INTS11: variants seen among roughly 807,000 people sequenced by gnomAD.
The protein encoded by INTS11 is integrator complex subunit 11.
INTS11 carries 77 observed loss-of-function variants against 78.6 expected under a neutral mutation model. The ratio of observed to expected loss-of-function variants is 0.98; its 90% CI spans 0.81 to 1.18. INTS11 has a LOEUF of 1.18. Ranked by LOEUF, INTS11 falls within the 50% of genes most tolerant of loss-of-function variation. The pLI, the probability that INTS11 is intolerant of heterozygous loss-of-function variation, is 0.00. For missense variants in INTS11, 875 were observed against 825.9 expected (o/e 1.06, Z -0.73); for synonymous variants, 441 against 326.9 (o/e 1.35, Z -3.77).
chr1:1,314,220 G>T lies in INTS11; in HGVS notation c.767+81C>A. On this transcript the variant is annotated intron_variant, in intron 8 of 16. Coordinates refer to ENST00000435064, the MANE Select transcript of INTS11 (RefSeq NM_017871.6). The surrounding 1 kb of genome is among the most constrained non-coding windows in gnomAD (Gnocchi z 4.2). ...AGCAGGGCCAAGATGCCACCGCTAC[G>T]CTGGACAGGGCTGCCCACCAACTGG... 1 of 1,324,296 alleles carries T rather than the reference G, an allele frequency of 7.6e-7. No individual in the cohort carries two copies. The highest frequency in any genetic ancestry group is 1.1e-6 in the Non-Finnish European group (1 of 940,924). The allele number at this position is 1,324,296 out of a possible 1,614,324, so 82.0% of individuals were successfully genotyped here.
Position 1,312,213 on chromosome 1 carries a change from G to GCCGGGCCCCCCCCCCCCCCCCCCCCC in INTS11, c.1607+12_1607+13insGGGGGGGGGGGGGGGGGGGGGCCCGG. 6.4e-6 allele frequency: 6 copies of GCCGGGCCCCCCCCCCCCCCCCCCCCC among 934,462 alleles called. No homozygotes were observed. Among genetic ancestry groups the GCCGGGCCCCCCCCCCCCCCCCCCCCC allele is most frequent in the South Asian group, 1.5e-5 (1 of 67,392 alleles). The allele number at this position is 934,462 out of a possible 1,614,324, so 57.9% of individuals were successfully genotyped here. A position where few individuals can be genotyped will look rare whatever the true frequency, so the allele number is the denominator to read the frequency against. On this transcript the variant is annotated intron_variant, in intron 15 of 16. Transcript: ENST00000435064. ...CCCAAGGGAGTGGGGGGGGGGCGGG[G>GCCGGGCCCCCCCCCCCCCCCCCCCCC]CCGGGCGCCCACCTCTTGAGGTGGC...
Position 1,312,213 on chromosome 1 carries a change from G to GGGGGGCCGCCCCCCCCCCC in INTS11, c.1607+12_1607+13insGGGGGGGGGGGCGGCCCCC. The GGGGGGCCGCCCCCCCCCCC allele has an allele frequency of 1.1e-6, 1 of 934,604 alleles. No homozygotes were observed. The highest frequency in any genetic ancestry group is 1.6e-6 in the Non-Finnish European group (1 of 636,660). 57.9% of individuals were successfully genotyped at this position (934,604 alleles called of 1,614,324 possible). A position where few individuals can be genotyped will look rare whatever the true frequency, so the allele number is the denominator to read the frequency against. On this transcript the variant is annotated intron_variant, in intron 15 of 16. Transcript: ENST00000435064. ...CCCAAGGGAGTGGGGGGGGGGCGGG[G>GGGGGGCCGCCCCCCCCCCC]CCGGGCGCCCACCTCTTGAGGTGGC...
intron 1 of INTS11, chr1:1,323,278 G>C: frequency 6.5e-7 from 1 of 1,549,904 alleles, no homozygotes; most frequent in Non-Finnish European, 8.7e-7. Flanking sequence ...GGACAGCACA[G>C]GGCAGGCACC....
chr1:1,313,140 G>A lies in INTS11; in HGVS notation c.1042-16C>T, dbSNP rs1570708333. On this transcript the variant is annotated splice_polypyrimidine_tract_variant and intron_variant, in intron 10 of 16. Coordinates refer to ENST00000435064, the MANE Select transcript of INTS11 (RefSeq NM_017871.6). ...GCATGATGACCTGGGGGCAGGCACA[G>A]AGCTCACAGCCAGGGAACTCCAGCC... 2 of 1,600,680 alleles carry A rather than the reference G, an allele frequency of 1.2e-6. No homozygotes were observed. The highest frequency in any genetic ancestry group is 4.5e-5 in the East Asian group (2 of 44,490).
At position 1,312,044 on chromosome 1, in the gene INTS11, C is replaced by A; in HGVS notation, c.1711G>T (p.Val571Leu). The change falls in exon 16 of 17, where the codon GTG (valine) becomes TTG (leucine). Residue 571 changes from valine (V) to leucine (L), a missense_variant. Transcript: ENST00000435064. ...AAPSEDPGTK[V>L]LLVSWTYQDE... ...TGGTAGGTCCAGGAGACCAGCAGCACCTTGGTGCCTGGGTCCTCAGAAGGG... is the reference window on the plus strand; with the variant it reads ...TGGTAGGTCCAGGAGACCAGCAGCAACTTGGTGCCTGGGTCCTCAGAAGGG... The A allele has an allele frequency of 6.4e-7, 1 of 1,573,426 alleles. No individual in the cohort carries two copies. Among genetic ancestry groups the A allele is most frequent in the South Asian group, 1.2e-5 (1 of 86,618 alleles).
chr1:1,314,236 C>T lies in INTS11; in HGVS notation c.767+65G>A. On this transcript the variant is annotated intron_variant, in intron 8 of 16. Coordinates refer to ENST00000435064, the MANE Select transcript of INTS11 (RefSeq NM_017871.6). The surrounding 1 kb of genome is among the most constrained non-coding windows in gnomAD (Gnocchi z 4.2). ...CACCGCTACGCTGGACAGGGCTGCC[C>T]ACCAACTGGACTGTGTTCAGGCCGG... 6.9e-7 allele frequency: 1 copy of T among 1,440,762 alleles called. No individual in the cohort carries two copies. Among genetic ancestry groups the T allele is most frequent in the Non-Finnish European group, 9.6e-7 (1 of 1,046,432 alleles). 89.2% of individuals were successfully genotyped at this position (1,440,762 alleles called of 1,614,324 possible).
chr1:1,315,225 C>T, intron 6 of INTS11, 179 bp downstream of exon 6: 5 of 782,648 alleles, frequency 6.4e-6, no homozygotes, highest in Non-Finnish European at 1.0e-5. Flanking sequence ...GGACAGAGGC[C>T]CCTGCCTGGA....
In INTS11 at chr1:1,313,729, C is replaced by G; in HGVS notation, c.957+3G>C. ...TGCTGGCCGGCCCTGCCGCGGGCCTCACCATCGGTCCTGGGTTGTCAGCAA... is the reference window on the plus strand; with the variant it reads ...TGCTGGCCGGCCCTGCCGCGGGCCTGACCATCGGTCCTGGGTTGTCAGCAA... On this transcript the variant is annotated splice_donor_region_variant and intron_variant, in intron 9 of 16. Coordinates refer to ENST00000435064, the MANE Select transcript of INTS11 (RefSeq NM_017871.6). 1 of 1,611,368 alleles carries G rather than the reference C, an allele frequency of 6.2e-7. No homozygotes were observed. Among genetic ancestry groups the G allele is most frequent in the Non-Finnish European group, 8.5e-7 (1 of 1,178,588 alleles).
chr1:1,317,341 G>T, intron 4 of INTS11: 2 of 298,984 alleles, frequency 6.7e-6, no homozygotes, highest in Non-Finnish European at 9.8e-6. Context: ...TTCAAGGTGA[G>T]CTGAGATCGC....
chr1:1,315,004 C>T (rs1434182753), intron 6 of INTS11, 42 bp from the exon 7 acceptor site: 2 of 1,597,084 alleles, frequency 1.3e-6, no homozygotes, highest in Non-Finnish European at 1.7e-6. Context: ...ATGCACTGTC[C>T]CCACGGTTGC....
At chr1:1,319,601 T>A in intron 3 of INTS11, 77 bp from the exon 4 acceptor site, 2 of 1,031,942 alleles carry the variant, frequency 1.9e-6, no homozygotes, top group Non-Finnish European at 2.8e-6. Flanking sequence ...TGTGGGTCAC[T>A]GGCCCCTTCA....
At position 1,315,572 on chromosome 1, in the gene INTS11, AGCACGTGGCCT is replaced by A; in HGVS notation, c.465_475del (p.His157GlyfsTer7). ...TTTAATCTGGAACATGGCTGCCCCCAGCACGTGGCCTGCATAGTAGGCCTTGATCTCCAGCT... is the reference window on the plus strand; with the variant it reads ...TTTAATCTGGAACATGGCTGCCCCCAGCATAGTAGGCCTTGATCTCCAGCT... On this transcript the variant is annotated frameshift_variant, in exon 5 of 17. Coordinates refer to ENST00000435064, the MANE Select transcript of INTS11 (RefSeq NM_017871.6). LOFTEE classifies it high-confidence loss of function. 1 of 1,612,424 alleles carries A rather than the reference AGCACGTGGCCT, an allele frequency of 6.2e-7. No individual in the cohort carries two copies. The highest frequency in any genetic ancestry group is 8.5e-7 in the Non-Finnish European group (1 of 1,179,778).
chr1:1,319,141 C>A (rs756447553), intron 4 of INTS11, 155 bp downstream of exon 4: 2 of 819,616 alleles, frequency 2.4e-6, no homozygotes, highest in African/African-American at 3.3e-5. Flanking sequence ...CGCGCTGACG[C>A]CTCCTGGTGT....
intron 4 of INTS11, among the ~76,000 whole-genome samples, chr1:1,318,316 G>A (rs542586584): frequency 6.6e-6 from 1 of 152,246 alleles, no homozygotes; most frequent in African/African-American, 2.4e-5. Context: ...CTAAGCAAAT[G>A]TTGGTGTTAC....
In INTS11 at chr1:1,313,092, G is replaced by T. The variant is rs751228573; in HGVS notation, c.1074C>A (p.Thr358=). The T allele has an allele frequency of 6.2e-7, 1 of 1,609,082 alleles. No individual in the cohort carries two copies. The highest frequency in any genetic ancestry group is 1.7e-5 in the Admixed American group (1 of 59,996). ...VIMPGYCVQG[T]VGHKILSGQR... ...GCCCGCTGAGGATCTTGTGGCCGAC[G>T]GTGCCCTGCACGCAGTAGCCGGGCA... The change falls in exon 11 of 17, where the codon ACC becomes ACA. Residue 358 remains threonine (T), a synonymous_variant. Transcript: ENST00000435064.
In INTS11 at chr1:1,321,820, G is replaced by T. The variant is rs1047203875; in HGVS notation, c.29-727C>A. On this transcript the variant is annotated intron_variant, in intron 1 of 16. Transcript: ENST00000435064. ...GCCCCCTCATGTGGCCTGGGGGCCC[G>T]AGAGGAAAGGGTCACGGCCCCTGCA... 3 of 1,023,930 alleles carry T rather than the reference G, an allele frequency of 2.9e-6. No individual in the cohort carries two copies. In the South Asian group the frequency reaches 1.0e-4, roughly 34 times the overall value. 63.4% of individuals were successfully genotyped at this position (1,023,930 alleles called of 1,614,324 possible).
At chr1:1,320,357 G>T in intron 3 of INTS11, 99 bp downstream of exon 3, 1 of 1,112,482 alleles carries the variant, frequency 9.0e-7, no homozygotes, top group South Asian at 1.3e-5. Flanking sequence ...GATCAAGGAT[G>T]GCACAGGCCC....
At position 1,312,275 on chromosome 1, in the gene INTS11, T is replaced by C. The variant is rs1440616048; in HGVS notation, c.1558A>G (p.Thr520Ala). ...RFTCRVHLHD[T>A]RKEQETALRV... ...AATGCCGTCTCCTGCTCCTTGCGTG[T>C]GTCATGCAGGTGCACGCGGCAGGTG... The change falls in exon 15 of 17, where the codon ACA (threonine) becomes GCA (alanine). Residue 520 changes from threonine (T) to alanine (A), a missense_variant. Transcript: ENST00000435064. The C allele has an allele frequency of 3.9e-6, 6 of 1,548,688 alleles. No homozygotes were observed. The East Asian group carries it at 1.5e-4, about 38-fold the overall frequency.
chr1:1,312,020 G>A lies in INTS11; in HGVS notation c.1735C>T (p.Gln579Ter). Reference protein sequence around the residue: ...TKVLLVSWTYQDEELGSFLTS... With the variant: ...TKVLLVSWTY The stretch of plus-strand genomic sequence containing the variant: ...GTGGGGTGGGGGTCACCCCTTACCT[G>A]GTAGGTCCAGGAGACCAGCAGCACC... Residue 579 changes from glutamine (Q) to a stop codon, truncating the protein, a stop_gained and splice_region_variant, in exon 16 of 17, where the codon CAG (glutamine) becomes TAG (stop). Transcript: ENST00000435064. LOFTEE classifies it high-confidence loss of function. The A allele has an allele frequency of 1.3e-6, 2 of 1,578,884 alleles. No individual in the cohort carries two copies. The highest frequency in any genetic ancestry group is 1.1e-5 in the South Asian group (1 of 87,158).
Sources: gnomAD v4.1 joint callset for allele counts (sites outside exome capture counted in the v4.1 genomes callset) on GRCh38, gnomAD v4.1.1 for gene constraint, Gnocchi (gnomAD v3.1) non-coding constraint, MANE v1.5 for transcripts, NCBI Gene and HGNC (gene_info 2026-07-23, HGNC 2026-07-21) for gene names.